Variants in ACVR1 observed in about 807,000 individuals in gnomAD.
ACVR1 encodes activin A receptor type 1, also known as activin receptor type-1.
Under a neutral mutation model 57.1 loss-of-function variants are expected in ACVR1, and 38 were observed. The ratio of observed to expected loss-of-function variants is 0.67; its 90% confidence interval spans 0.51 to 0.87. The LOEUF is 0.87. Ranked by LOEUF, ACVR1 falls within the 40% of genes least tolerant of loss-of-function variation. ACVR1 has a pLI of 0.00. For missense variants in ACVR1, 463 were observed against 638.2 expected, an observed-to-expected ratio of 0.73 and a Z score of 2.96; for synonymous variants, 212 against 228.1, an observed-to-expected ratio of 0.93 and a Z score of 0.63.
intron 1 of ACVR1, among the ~76,000 whole-genome samples, chr2:157,849,042 T>A (rs977892816): frequency 1.3e-5 from 2 of 152,224 alleles, no homozygotes; most frequent in Admixed American, 6.5e-5. Flanking sequence ...TATATCCTGA[T>A]TCCAACCAAT....
intron 1 of ACVR1, among the ~76,000 whole-genome samples, chr2:157,856,571 G>A (rs985356631): frequency 1.3e-5 from 2 of 152,150 alleles, no homozygotes; most frequent in African/African-American, 4.8e-5. Flanking sequence ...TGCCTGTGGT[G>A]TGCCCCGTGG....
chr2:157,838,606 C>T (rs1688872140), intron 1 of ACVR1, among the ~76,000 whole-genome samples: 1 of 152,118 alleles, frequency 6.6e-6, no homozygotes, highest in South Asian at 2.1e-4. Context: ...ACAGCTGTCT[C>T]CTCTGTAGTT....
chr2:157,738,301 C>T (rs1449853739), intron 10 of ACVR1, 139 bp downstream of exon 10: 2 of 1,314,506 alleles, frequency 1.5e-6, no homozygotes, highest in African/African-American at 2.9e-5. Flanking sequence ...TAGATCTAAA[C>T]CCTTCTATAT....
intron 1 of ACVR1, among the ~76,000 whole-genome samples, chr2:157,820,413 C>T (rs976174852): frequency 6.6e-6 from 1 of 152,140 alleles, no homozygotes; most frequent in Non-Finnish European, 1.5e-5. Flanking sequence ...AAAGTCTAAC[C>T]GCATTTTAAG....
At chr2:157,833,507 A>G (rs1420572677) in intron 1 of ACVR1, among the ~76,000 whole-genome samples, 2 of 152,242 alleles carry the variant, frequency 1.3e-5, no homozygotes, top group African/African-American at 4.8e-5. Context: ...GGTAAGAAAC[A>G]GTTAATACTT....
intron 9 of ACVR1, among the ~76,000 whole-genome samples, chr2:157,746,892 T>C (rs1360130085): frequency 1.3e-5 from 2 of 152,226 alleles, no homozygotes; most frequent in African/African-American, 2.4e-5. Flanking sequence ...AATGCTCAGA[T>C]GCAAAAATGG....
chr2:157,858,385 C>A (rs1689606896), intron 1 of ACVR1, among the ~76,000 whole-genome samples: 1 of 152,182 alleles, frequency 6.6e-6, no homozygotes, highest in African/African-American at 2.4e-5. Flanking sequence ...TTGAACTTTA[C>A]CGCCTCCTGT....
chr2:157,816,616 T>C (rs1206799252), intron 2 of ACVR1, among the ~76,000 whole-genome samples: 1 of 151,758 alleles, frequency 6.6e-6, no homozygotes, highest in Non-Finnish European at 1.5e-5. Context: ...ATAATAATAA[T>C]AATAATAATA....
At chr2:157,852,982 A>G (rs12476029) in intron 1 of ACVR1, among the ~76,000 whole-genome samples, 12,228 of 152,176 alleles carry the variant, frequency 0.08, 542 homozygotes, top group African/African-American at 0.11. Context: ...AAGGGAGAAA[A>G]TTCTCTCATA....
chr2:157,789,289 A>G (rs545604621), intron 3 of ACVR1, among the ~76,000 whole-genome samples: 3 of 152,286 alleles, frequency 2.0e-5, no homozygotes, highest in South Asian at 4.1e-4. Flanking sequence ...CTCCCCTTCA[A>G]TCTGTGCCAT....
chr2:157,752,626 T>C (rs1685248925), intron 9 of ACVR1, among the ~76,000 whole-genome samples: 1 of 152,178 alleles, frequency 6.6e-6, no homozygotes, highest in African/African-American at 2.4e-5. Context: ...CTAGAAGGGA[T>C]TGGGGCCCTA....
intron 1 of ACVR1, among the ~76,000 whole-genome samples, chr2:157,841,083 G>A (rs1407616713): frequency 6.6e-6 from 1 of 152,190 alleles, no homozygotes; most frequent in Non-Finnish European, 1.5e-5. Flanking sequence ...CAAAAATTAT[G>A]AAATGTACAT....
In ACVR1 at chr2:157,778,268, A is replaced by T; in HGVS notation, c.406T>A (p.Cys136Ser). ...LIILSVVFAV[C>S]LLACLLGVAL... ...ACTCCCAGCAGGCAGGCTAAAAGAC[A>T]TACTGCGAACACTACAGAGAGAATA... The change falls in exon 5 of 11, where the codon TGT (cysteine) becomes AGT (serine). Residue 136 changes from cysteine (C) to serine (S), a missense_variant. Cys to Ser is a moderately radical substitution (Grantham distance 112). Coordinates refer to ENST00000434821, the MANE Select transcript of ACVR1 (RefSeq NM_001111067.4). 3 of 1,614,144 alleles carry T rather than the reference A, an allele frequency of 1.9e-6. No homozygotes were observed. The highest frequency in any genetic ancestry group is 2.5e-6 in the Non-Finnish European group (3 of 1,180,004).
At chr2:157,865,857 T>TAGAC (rs1426050420) in intron 1 of ACVR1, among the ~76,000 whole-genome samples, 4 of 150,884 alleles carry the variant, frequency 2.7e-5, no homozygotes, top group Non-Finnish European at 3.0e-5. Flanking sequence ...GATAGATAGA[T>TAGAC]AGATAGATTG....
intron 5 of ACVR1, among the ~76,000 whole-genome samples, chr2:157,774,649 C>T (rs1295294151): frequency 6.6e-6 from 1 of 152,202 alleles, no homozygotes; most frequent in East Asian, 1.9e-4. Flanking sequence ...CAGGCATGAG[C>T]CACCACGCCT....
chr2:157,845,948 A>G (rs993869728), intron 1 of ACVR1, among the ~76,000 whole-genome samples: 1 of 152,246 alleles, frequency 6.6e-6, no homozygotes, highest in Non-Finnish European at 1.5e-5. Flanking sequence ...AGCAGGAAAT[A>G]TATAGCAGAC....
chr2:157,767,843 C>T (rs893671788), intron 7 of ACVR1, among the ~76,000 whole-genome samples: 3 of 152,066 alleles, frequency 2.0e-5, no homozygotes, highest in African/African-American at 7.2e-5. Context: ...CTCTGTGAGC[C>T]AAGAAAGGTC....
intron 2 of ACVR1, among the ~76,000 whole-genome samples, chr2:157,802,386 C>T (rs1574082877): frequency 6.6e-6 from 1 of 152,042 alleles, no homozygotes; most frequent in Non-Finnish European, 1.5e-5. Context: ...CACAAAGAGT[C>T]GGCGAATACC....
In ACVR1 at chr2:157,830,327, T is replaced by TA. The variant is rs1307542078; in HGVS notation, c.-182-11769dup. Among the ~76,000 whole-genome samples, 4 of 152,198 alleles carry TA rather than the reference T, an allele frequency of 2.6e-5. No homozygotes were observed. The East Asian group carries it at 5.8e-4, about 22-fold the overall frequency. On this transcript the variant is annotated intron_variant, in intron 1 of 10. Transcript: ENST00000434821. ...CCATCCAAGAGAAATATGAACAATTTAAAAAATGAAAAAGAAATAATAATG... is the reference window on the plus strand; with the variant it reads ...CCATCCAAGAGAAATATGAACAATTTAAAAAAATGAAAAAGAAATAATAATG...
Sources: allele counts gnomAD v4.1 joint callset (sites outside exome capture counted in the v4.1 genomes callset), GRCh38; gene constraint gnomAD v4.1.1; transcripts MANE v1.5; gene names NCBI Gene and HGNC (gene_info 2026-07-23, HGNC 2026-07-21).